Variants in PXK observed in about 807,000 individuals in gnomAD.
PXK encodes the protein PX domain containing serine/threonine kinase like.
In PXK, 35 loss-of-function variants were observed where a neutral mutation model predicts 84.7. The ratio of observed to expected loss-of-function variants is 0.41; its 90% CI spans 0.32 to 0.55. The LOEUF (loss-of-function observed/expected upper bound fraction) is 0.55. Ranked by LOEUF, PXK falls within the 20% of genes least tolerant of loss-of-function variation. The pLI is 0.21. For missense variants in PXK, 634 were observed against 699.7 expected (o/e 0.91, Z 1.06); for synonymous variants, 253 against 260.8 (o/e 0.97, Z 0.29).
intron 1 of PXK, among the ~76,000 whole-genome samples, chr3:58,354,447 A>AATTTTTTTTTTTTTT (rs1559898591): frequency 7.1e-6 from 1 of 141,312 alleles, no homozygotes; most frequent in African/African-American, 2.7e-5. Flanking sequence ...GCTGCTTCCT[A>AATTTTTTTTTTTTTT]GTTTTTTTTT....
rs1258136755 is a variant in PXK, at chr3:58,370,439, A to C, written c.201+961A>C. Among the ~76,000 whole-genome samples, 2 of 152,158 alleles carry C rather than the reference A, an allele frequency of 1.3e-5. No homozygotes were observed. The highest frequency in any genetic ancestry group is 4.8e-5 in the African/African-American group (2 of 41,432). On this transcript the variant is annotated intron_variant, in intron 3 of 17. Transcript: ENST00000356151. This position sits in a 1 kb window ranked among gnomAD's most constrained non-coding sequence, Gnocchi z 4.2. ...GGTCTTCAAGTGCCTTGGATTACTG[A>C]AGACTATTGTGCTCTTGTGTGTCAT...
chr3:58,359,796 GT>G (rs1470465920), intron 1 of PXK, among the ~76,000 whole-genome samples: 1 of 152,092 alleles, frequency 6.6e-6, no homozygotes, highest in Non-Finnish European at 1.5e-5. Flanking sequence ...ACTGTCAGTT[GT>G]TTTTAGCATT....
At chr3:58,347,183 G>A (rs1336946618) in intron 1 of PXK, among the ~76,000 whole-genome samples, 1 of 151,972 alleles carries the variant, frequency 6.6e-6, no homozygotes, top group East Asian at 1.9e-4. Context: ...ATGTTGTCCC[G>A]GCTGGTCTCG....
rs575100361 is a variant in PXK, at chr3:58,369,445, C to T, written c.168C>T (p.Tyr56=). The T allele has an allele frequency of 1.2e-6, 2 of 1,609,738 alleles. No homozygotes were observed. Among genetic ancestry groups the T allele is most frequent in the Admixed American group, 1.7e-5 (1 of 59,972 alleles). ...VENSWQIVRR[Y]SDFDLLNNSL... Reference sequence around the variant, plus strand: ...GTCTCTTACAGATTGTTAGAAGATACAGTGACTTTGATTTGCTTAACAACA... The same window carrying T: ...GTCTCTTACAGATTGTTAGAAGATATAGTGACTTTGATTTGCTTAACAACA... The change falls in exon 3 of 18, where the codon TAC becomes TAT. Residue 56 remains tyrosine (Y), a synonymous_variant. Transcript: ENST00000356151.
chr3:58,423,260 G>A (rs1292286869), intron 17 of PXK: 4 of 974,466 alleles, frequency 4.1e-6, no homozygotes, highest in South Asian at 4.7e-5. Flanking sequence ...TCTGTAACCT[G>A]GTGACATAAA....
chr3:58,422,785 C>T (rs2062112478), intron 17 of PXK: 1 of 985,294 alleles, frequency 1.0e-6, no homozygotes, highest in Non-Finnish European at 1.2e-6. Flanking sequence ...AAAATCCTTG[C>T]CTGGAGGGCT....
At chr3:58,392,198 GA>G (rs11301664) in intron 7 of PXK, among the ~76,000 whole-genome samples, 114,724 of 151,966 alleles carry the variant, frequency 0.75, 43,521 homozygotes, top group South Asian at 0.82. Flanking sequence ...AACTAATGAG[GA>G]ATTTAGATAA....
At chr3:58,336,052 TATATATATATATATATATA>T (rs1367481526) in intron 1 of PXK, among the ~76,000 whole-genome samples, 4 of 53,076 alleles carry the variant, frequency 7.5e-5, no homozygotes, top group Non-Finnish European at 1.3e-4. Flanking sequence ...TATATATATA[TATATATATATATATATATA>T]TTTTTTTTTT....
intron 2 of PXK, among the ~76,000 whole-genome samples, chr3:58,367,563 C>T (rs1389742392): frequency 6.6e-6 from 1 of 152,074 alleles, no homozygotes; most frequent in Non-Finnish European, 1.5e-5. Flanking sequence ...TTTTATGTGA[C>T]ACAGGAACTT....
Position 58,399,417 on chromosome 3 carries a change from A to G in PXK, c.1181+40A>G, listed in dbSNP as rs374446064. ...TGCGTTGGTTGTAATCTTGATAACTATGTTGAACACCAGACCACTGTGTCC... is the reference window on the plus strand; with the variant it reads ...TGCGTTGGTTGTAATCTTGATAACTGTGTTGAACACCAGACCACTGTGTCC... On this transcript the variant is annotated intron_variant, in intron 12 of 17. Coordinates refer to ENST00000356151, the MANE Select transcript of PXK (RefSeq NM_017771.5). This position sits in a 1 kb window ranked among gnomAD's most constrained non-coding sequence, Gnocchi z 4.3. 31 of 1,564,568 alleles carry G rather than the reference A, an allele frequency of 2.0e-5. No individual in the cohort carries two copies. The highest frequency in any genetic ancestry group is 1.7e-4 in the Middle Eastern group (1 of 5,992).
chr3:58,411,820 A>C lies in PXK; in HGVS notation c.1466-1081A>C, dbSNP rs1417700730. On this transcript the variant is annotated intron_variant, in intron 16 of 17. Transcript: ENST00000356151. This position sits in a 1 kb window ranked among gnomAD's most constrained non-coding sequence, Gnocchi z 4.2. Reference sequence around the variant, plus strand: ...TTCATTAGCACTACGAACAGTATAAAGACAGCATGCATTGAGTTTTACCTC... The same window carrying C: ...TTCATTAGCACTACGAACAGTATAACGACAGCATGCATTGAGTTTTACCTC... Among the ~76,000 whole-genome samples the C allele has an allele frequency of 1.3e-5, 2 of 152,214 alleles. No individual in the cohort carries two copies. The highest frequency in any genetic ancestry group is 1.3e-4 in the Admixed American group (2 of 15,284).
rs771574051 is a variant in PXK at position 58,370,045 on chromosome 3, G to T, written c.201+567G>T. Among the ~76,000 whole-genome samples, 3 of 152,156 alleles carry T rather than the reference G, an allele frequency of 2.0e-5. No individual in the cohort carries two copies. The highest frequency in any genetic ancestry group is 4.4e-5 in the Non-Finnish European group (3 of 68,028). On this transcript the variant is annotated intron_variant, in intron 3 of 17. Transcript: ENST00000356151. The surrounding 1 kb of genome is among the most constrained non-coding windows in gnomAD (Gnocchi z 4.2). ...TGTATTCTTACCACAGTCATAGGAG[G>T]CTGACGTAATATCTCCTTTTAACAG...
chr3:58,365,863 C>G lies in PXK; in HGVS notation c.103-11C>G. ...TTATAACTGAGGTTATTCTTCCCTTCTCTTTTTAAGGAATATATTATTCGA... is the reference window on the plus strand; with the variant it reads ...TTATAACTGAGGTTATTCTTCCCTTGTCTTTTTAAGGAATATATTATTCGA... On this transcript the variant is annotated splice_polypyrimidine_tract_variant and intron_variant, in intron 1 of 17. Coordinates refer to ENST00000356151, the MANE Select transcript of PXK (RefSeq NM_017771.5). 1 of 1,538,634 alleles carries G rather than the reference C, an allele frequency of 6.5e-7. No individual in the cohort carries two copies.
rs1474413224 is a variant in PXK, at chr3:58,421,485, G to C, written c.1529-3267G>C. 1 of 821,560 alleles carries C rather than the reference G, an allele frequency of 1.2e-6. No individual in the cohort carries two copies. Among genetic ancestry groups the C allele is most frequent in the Non-Finnish European group, 1.5e-6 (1 of 679,350 alleles). The allele number at this position is 821,560 out of a possible 1,614,324, so 50.9% of individuals were successfully genotyped here. A position where few individuals can be genotyped will look rare whatever the true frequency, so the allele number is the denominator to read the frequency against. ...AATCCCAGCTACTCGGGAGGCTGAG[G>C]CAGAGAATCACTTGAACCCGGGAGG... On this transcript the variant is annotated intron_variant, in intron 17 of 17. Coordinates refer to ENST00000356151, the MANE Select transcript of PXK (RefSeq NM_017771.5). This position sits in a 1 kb window ranked among gnomAD's most constrained non-coding sequence, Gnocchi z 5.5.
At chr3:58,352,553 A>G (rs952410184) in intron 1 of PXK, among the ~76,000 whole-genome samples, 1 of 152,194 alleles carries the variant, frequency 6.6e-6, no homozygotes, top group Admixed American at 6.5e-5. Flanking sequence ...TATTTAATTG[A>G]GCTTCAGATT....
chr3:58,404,279 C>A (rs1245619047), intron 13 of PXK, among the ~76,000 whole-genome samples: 2 of 152,126 alleles, frequency 1.3e-5, no homozygotes, highest in Non-Finnish European at 2.9e-5. Context: ...ACCCAAAAAA[C>A]CAGAATGATA....
At chr3:58,391,704 AG>A (rs2098633226) in intron 6 of PXK, 68 bp from the exon 7 acceptor site, 1 of 1,359,306 alleles carries the variant, frequency 7.4e-7, no homozygotes, top group African/African-American at 1.4e-5. Context: ...ATAAAATTAA[AG>A]GGAAAGACAA....
At chr3:58,342,586 G>T (rs950112748) in intron 1 of PXK, among the ~76,000 whole-genome samples, 4 of 138,814 alleles carry the variant, frequency 2.9e-5, no homozygotes, top group Middle Eastern at 3.8e-3. Context: ...AGTGAGCTGA[G>T]ATCATGCCAG....
rs1178505811 is a variant in PXK, at chr3:58,383,243, GAT to G, written c.388+545_388+546del. On this transcript the variant is annotated intron_variant, in intron 4 of 17. Transcript: ENST00000356151. This position sits in a 1 kb window ranked among gnomAD's most constrained non-coding sequence, Gnocchi z 4.0. ...GGAGGTGGAGGTTGCAGTGAGCCGA[GAT>G]AGCACCACTGCACTCTAGCCTAGGC... Among the ~76,000 whole-genome samples the G allele has an allele frequency of 4.6e-5, 7 of 152,218 alleles. No individual in the cohort carries two copies. The East Asian group carries it at 1.2e-3, about 25-fold the overall frequency.
Sources: allele counts gnomAD v4.1 joint callset (sites outside exome capture counted in the v4.1 genomes callset), GRCh38; gene constraint gnomAD v4.1.1; non-coding constraint Gnocchi (gnomAD v3.1); transcripts MANE v1.5; gene names NCBI Gene and HGNC (gene_info 2026-07-23, HGNC 2026-07-21).